The following XRCC4 variants were observed in gnomAD, a reference collection of about 807,000 sequenced individuals.
The protein encoded by XRCC4 is X-ray repair cross complementing 4.
In XRCC4, 28 loss-of-function variants were observed where a neutral mutation model predicts 39.1. That is an observed-to-expected ratio of 0.72 (90% confidence interval 0.53 to 0.98). XRCC4 has a LOEUF of 0.98. XRCC4 is among the 50% of genes least tolerant of loss of function. The pLI, the probability that XRCC4 is intolerant of heterozygous loss-of-function variation, is 0.00. For missense variants in XRCC4, 350 were observed against 376.4 expected (o/e 0.93, Z 0.58); for synonymous variants, 123 against 126.4 (o/e 0.97, Z 0.18).
chr5:83,212,200 A>G (rs1473538371), intron 6 of XRCC4, among the ~76,000 whole-genome samples: 3 of 152,154 alleles, frequency 2.0e-5, no homozygotes, highest in Non-Finnish European at 2.9e-5. Flanking sequence ...TTAAAGCCCT[A>G]AAGGAGAGTA....
At chr5:83,233,495 T>A (rs1165266946) in intron 6 of XRCC4, among the ~76,000 whole-genome samples, 5 of 152,168 alleles carry the variant, frequency 3.3e-5, no homozygotes, top group Admixed American at 2.6e-4. Context: ...GTTTGCCTTA[T>A]TGGGGGAACC....
chr5:83,120,305 G>A (rs1746947288), intron 3 of XRCC4, among the ~76,000 whole-genome samples: 1 of 151,354 alleles, frequency 6.6e-6, no homozygotes, highest in African/African-American at 2.4e-5. Context: ...TACCAAATCA[G>A]TTTTTTTTTA....
At chr5:83,208,062 G>A (rs1217322058) in intron 6 of XRCC4, among the ~76,000 whole-genome samples, 3 of 151,930 alleles carry the variant, frequency 2.0e-5, no homozygotes, top group Non-Finnish European at 1.5e-5. Context: ...TAGTTATTTT[G>A]TTATAGTAAA....
intron 3 of XRCC4, among the ~76,000 whole-genome samples, chr5:83,111,769 A>G (rs1162780797): frequency 2.0e-5 from 3 of 152,138 alleles, no homozygotes; most frequent in Non-Finnish European, 4.4e-5. Context: ...TCCTGCACCA[A>G]TTCAGATCAA....
intron 6 of XRCC4, among the ~76,000 whole-genome samples, chr5:83,233,434 C>T (rs751448089): frequency 1.8e-4 from 28 of 152,236 alleles, no homozygotes; most frequent in Non-Finnish European, 2.8e-4. Context: ...TAATAATCAA[C>T]TATATCACTT....
the XRCC4 span, among the ~76,000 whole-genome samples, chr5:83,369,555 T>G: frequency 6.6e-6 from 1 of 152,158 alleles, no homozygotes; most frequent in African/African-American, 2.4e-5. Flanking sequence ...CCAGCTGCAT[T>G]CAGATTGCTG....
chr5:83,360,614 C>T, the XRCC4 span, among the ~76,000 whole-genome samples: 1 of 151,976 alleles, frequency 6.6e-6, no homozygotes, highest in African/African-American at 2.4e-5. Flanking sequence ...TTCTGCTTGC[C>T]CTTTGGGAGA....
intron 3 of XRCC4, among the ~76,000 whole-genome samples, chr5:83,192,319 A>ATATTTTT (rs3069585): frequency 1.7e-3 from 249 of 143,502 alleles, no homozygotes; most frequent in Middle Eastern, 0.011. Context: ...ATATATATAT[A>ATATTTTT]TTTTTTTGAG....
At chr5:83,274,178 C>G (rs915764559) in intron 7 of XRCC4, among the ~76,000 whole-genome samples, 1 of 152,174 alleles carries the variant, frequency 6.6e-6, no homozygotes. Context: ...TCTGTTTTCC[C>G]TTTCCAGTAC....
rs567111337 is a variant in XRCC4, at chr5:83,111,318, C to T, written c.315+115C>T. 167 of 769,252 alleles carry T rather than the reference C, an allele frequency of 2.2e-4. 2 individuals are homozygous for T. In the Admixed American group the frequency reaches 6.4e-3, roughly 30 times the overall value. The allele number at this position is 769,252 out of a possible 1,614,324, so 47.7% of individuals were successfully genotyped here. ...TCCCAGAACACCTCAGAAGCAAAAGCTTGAAAAGTACTTGGTTTCCAAATT... is the reference window on the plus strand; with the variant it reads ...TCCCAGAACACCTCAGAAGCAAAAGTTTGAAAAGTACTTGGTTTCCAAATT... On this transcript the variant is annotated intron_variant, in intron 3 of 7. Transcript: ENST00000396027.
At chr5:83,258,777 TA>T (rs1366118354) in intron 7 of XRCC4, 100 bp downstream of exon 7, 1 of 1,331,090 alleles carries the variant, frequency 7.5e-7, no homozygotes, top group African/African-American at 1.5e-5. Flanking sequence ...TTTTTAAAGT[TA>T]TTTTTAAGAA....
rs1751919158 is a variant in XRCC4, at chr5:83,217,756, T to C, written c.745+12835T>C. 2.0e-5 allele frequency among the ~76,000 whole-genome samples: 3 copies of C among 152,242 alleles called. No individual in the cohort carries two copies. The South Asian group carries it at 6.2e-4, about 32-fold the overall frequency. Reference sequence around the variant, plus strand: ...TCTGCCTTCCCTCCTGCCCTTTCTCTCTAATTCTTACATTCAAATCCCAAG... The same window carrying C: ...TCTGCCTTCCCTCCTGCCCTTTCTCCCTAATTCTTACATTCAAATCCCAAG... On this transcript the variant is annotated intron_variant, in intron 6 of 7. Transcript: ENST00000396027.
chr5:83,323,881 A>G (rs1428428637), intron 7 of XRCC4, among the ~76,000 whole-genome samples: 1 of 152,140 alleles, frequency 6.6e-6, no homozygotes. Flanking sequence ...TAGATCAGGT[A>G]TCAGTGATTT....
intron 6 of XRCC4, among the ~76,000 whole-genome samples, chr5:83,236,296 C>CAT (rs1200885181): frequency 6.6e-6 from 1 of 152,074 alleles, no homozygotes; most frequent in East Asian, 1.9e-4. Flanking sequence ...GAAGGCAACA[C>CAT]ATAACCTTAC....
chr5:83,299,493 A>T (rs1388355938), intron 7 of XRCC4, among the ~76,000 whole-genome samples: 1 of 152,120 alleles, frequency 6.6e-6, no homozygotes, highest in East Asian at 1.9e-4. Context: ...CTTCTGCCTC[A>T]TTCTCTCTGT....
chr5:83,131,736 G>T (rs1179637053), intron 3 of XRCC4, among the ~76,000 whole-genome samples: 1 of 151,700 alleles, frequency 6.6e-6, no homozygotes, highest in East Asian at 1.9e-4. Flanking sequence ...TTGCTTGGTG[G>T]ATCTTCCTTC....
chr5:83,148,464 G>A (rs1233038067), intron 3 of XRCC4, among the ~76,000 whole-genome samples: 2 of 152,064 alleles, frequency 1.3e-5, no homozygotes, highest in Non-Finnish European at 2.9e-5. Flanking sequence ...TTGCTCCCCT[G>A]TATCAACTGT....
intron 7 of XRCC4, among the ~76,000 whole-genome samples, chr5:83,313,346 T>C (rs923957161): frequency 1.3e-5 from 2 of 152,126 alleles, no homozygotes; most frequent in African/African-American, 4.8e-5. Flanking sequence ...AATCTTCTAA[T>C]AGACAACACA....
chr5:83,213,332 A>C (rs1357320347), intron 6 of XRCC4, among the ~76,000 whole-genome samples: 3 of 152,144 alleles, frequency 2.0e-5, no homozygotes, highest in African/African-American at 7.2e-5. Flanking sequence ...ATAGTGGATT[A>C]ATAGAAAATA....
Sources: gnomAD v4.1 joint callset for allele counts (sites outside exome capture counted in the v4.1 genomes callset) on GRCh38, gnomAD v4.1.1 for gene constraint, MANE v1.5 for transcripts, NCBI Gene and HGNC (gene_info 2026-07-23, HGNC 2026-07-21) for gene names.